The following PACRG variants were observed in gnomAD, a reference collection of about 807,000 sequenced individuals.
PACRG encodes parkin coregulated.
A neutral mutation model predicts 29.7 loss-of-function variants in PACRG; 29 were observed. That is an observed-to-expected ratio of 0.98 (90% CI 0.73 to 1.33). The LOEUF (loss-of-function observed/expected upper bound fraction) is 1.33. Among genes scored for constraint, PACRG ranks in the 40% most tolerant of loss-of-function variants. The probability of loss-of-function intolerance (pLI) is 0.00; values close to 1 mark genes in which losing one functional copy is unlikely to be tolerated. For synonymous variants in PACRG, 116 were observed against 118.7 expected (o/e 0.98, Z 0.15); for missense variants, 279 against 316.2 (o/e 0.88, Z 0.89).
chr6:163,124,175 T>C (rs1418468019), intron 4 of PACRG, among the ~76,000 whole-genome samples: 1 of 152,222 alleles, frequency 6.6e-6, no homozygotes, highest in Non-Finnish European at 1.5e-5. Flanking sequence ...AGGAGCTCTT[T>C]GTATATTTCA....
chr6:163,060,436 T>G (rs964588752), intron 2 of PACRG, among the ~76,000 whole-genome samples: 1 of 152,136 alleles, frequency 6.6e-6, no homozygotes, highest in Non-Finnish European at 1.5e-5. Context: ...CATTTCCAAA[T>G]GCACATAAAT....
chr6:162,777,258 C>T lies in PACRG; in HGVS notation c.157-36889C>T, dbSNP rs556611585. The stretch of plus-strand genomic sequence containing the variant: ...TGTGTGACGTTGTTTTTCTCCACTT[C>T]GGGACATGCAGTTGGCCATGTGCTC... On this transcript the variant is annotated intron_variant, in intron 1 of 4. Coordinates refer to ENST00000366888, the MANE Select transcript of PACRG (RefSeq NM_001080379.2). The surrounding 1 kb of genome is among the most constrained non-coding windows in gnomAD (Gnocchi z 4.0). Among the ~76,000 whole-genome samples, 27 of 152,302 alleles carry T rather than the reference C, an allele frequency of 1.8e-4. No individual in the cohort carries two copies. The highest frequency in any genetic ancestry group is 1.2e-3 in the Admixed American group (19 of 15,308).
At chr6:162,955,425 G>A (rs552347289) in intron 2 of PACRG, among the ~76,000 whole-genome samples, 13 of 151,956 alleles carry the variant, frequency 8.6e-5, no homozygotes, top group Middle Eastern at 3.4e-3. Context: ...TCAGCCTCCC[G>A]AGTAGCTGGG....
chr6:162,947,343 A>ATAATATG (rs1163567313), intron 2 of PACRG, among the ~76,000 whole-genome samples: 4 of 59,416 alleles, frequency 6.7e-5, no homozygotes, highest in Admixed American at 2.2e-4. Context: ...CATATATATA[A>ATAATATG]TGATTACATA....
intron 2 of PACRG, among the ~76,000 whole-genome samples, chr6:162,857,956 CTTG>C (rs1470478746): frequency 1.3e-5 from 2 of 152,088 alleles, no homozygotes; most frequent in African/African-American, 4.8e-5. Context: ...TGTGTATATT[CTTG>C]TTGTTACCTG....
At chr6:162,920,800 C>T (rs1310073875) in intron 2 of PACRG, among the ~76,000 whole-genome samples, 1 of 152,088 alleles carries the variant, frequency 6.6e-6, no homozygotes, top group East Asian at 1.9e-4. Flanking sequence ...TGTTTTTAGG[C>T]AGCTGAACAG....
chr6:163,267,732 G>C (rs1367570828), intron 4 of PACRG, among the ~76,000 whole-genome samples: 1 of 152,150 alleles, frequency 6.6e-6, no homozygotes, highest in East Asian at 1.9e-4. Context: ...TAAATCCCCT[G>C]TCACATTTAA....
intron 1 of PACRG, among the ~76,000 whole-genome samples, chr6:162,749,643 C>G (rs1461198301): frequency 6.6e-6 from 1 of 152,092 alleles, no homozygotes; most frequent in Non-Finnish European, 1.5e-5. Flanking sequence ...GCCTCAGTCC[C>G]CTGAGTATCT....
intron 1 of PACRG, among the ~76,000 whole-genome samples, chr6:162,785,596 G>T (rs1322430404): frequency 6.6e-6 from 1 of 151,748 alleles, no homozygotes; most frequent in Non-Finnish European, 1.5e-5. Context: ...GGGGTTGGGG[G>T]AGGATGGCTT....
chr6:163,289,129 G>A (rs1232637576), intron 4 of PACRG, among the ~76,000 whole-genome samples: 8 of 152,168 alleles, frequency 5.3e-5, no homozygotes, highest in Non-Finnish European at 8.8e-5. Flanking sequence ...TTGGAATTCC[G>A]TGCACTGATA....
intron 2 of PACRG, among the ~76,000 whole-genome samples, chr6:163,039,038 C>A (rs1808455676): frequency 6.6e-6 from 1 of 152,040 alleles, no homozygotes; most frequent in Non-Finnish European, 1.5e-5. Context: ...AACTGTTATC[C>A]CTGTGTGTCG....
intron 1 of PACRG, among the ~76,000 whole-genome samples, chr6:162,747,356 A>G (rs11969189): frequency 0.035 from 2,549 of 72,892 alleles, 339 homozygotes; most frequent in African/African-American, 0.18. Flanking sequence ...ATATATATAT[A>G]TATATATACA....
intron 1 of PACRG, among the ~76,000 whole-genome samples, chr6:162,765,564 CTT>C (rs1354247648): frequency 6.6e-6 from 1 of 152,126 alleles, no homozygotes; most frequent in African/African-American, 2.4e-5. Context: ...ATTTTAGCCT[CTT>C]GTTTGTACCA....
rs990484274 is a variant in PACRG, at chr6:162,877,220, T to C, written c.291+62939T>C. Among the ~76,000 whole-genome samples, 4 of 151,970 alleles carry C rather than the reference T, an allele frequency of 2.6e-5. No individual in the cohort carries two copies. In the East Asian group the frequency reaches 5.8e-4, roughly 22 times the overall value. On this transcript the variant is annotated intron_variant, in intron 2 of 4. Coordinates refer to ENST00000366888, the MANE Select transcript of PACRG (RefSeq NM_001080379.2). ...TCAGCGATAGACTAGATAAAGAAAA[T>C]GTGGCACATATACACTGTGGAATAC...
intron 4 of PACRG, among the ~76,000 whole-genome samples, chr6:163,265,511 G>A (rs566563913): frequency 6.6e-6 from 1 of 152,238 alleles, no homozygotes; most frequent in South Asian, 2.1e-4. Context: ...TACTACCTTC[G>A]GTGATTGTTG....
At chr6:162,978,970 A>G (rs1361741731) in intron 2 of PACRG, among the ~76,000 whole-genome samples, 1 of 152,160 alleles carries the variant, frequency 6.6e-6, no homozygotes, top group East Asian at 1.9e-4. Context: ...ATAGAATTGT[A>G]TAGGTTTGCT....
chr6:162,785,506 G>A lies in PACRG; in HGVS notation c.157-28641G>A, dbSNP rs141582343. 3.3e-5 allele frequency among the ~76,000 whole-genome samples: 5 copies of A among 150,072 alleles called. No homozygotes were observed. In the East Asian group the frequency reaches 1.0e-3, roughly 30 times the overall value. On this transcript the variant is annotated intron_variant, in intron 1 of 4. Coordinates refer to ENST00000366888, the MANE Select transcript of PACRG (RefSeq NM_001080379.2). ...TGATGGAATACACCCAAGATCAGTG[G>A]TCTGCAACCTATTTGGTGCCGGGGA...
intron 4 of PACRG, among the ~76,000 whole-genome samples, chr6:163,288,631 C>T (rs1366598659): frequency 6.6e-6 from 1 of 152,184 alleles, no homozygotes; most frequent in Non-Finnish European, 1.5e-5. Flanking sequence ...TTTTATGCAT[C>T]ACTTTGCCTG....
chr6:163,064,133 CA>C (rs1811331682), intron 3 of PACRG, among the ~76,000 whole-genome samples: 1 of 151,216 alleles, frequency 6.6e-6, no homozygotes, highest in South Asian at 2.1e-4. Flanking sequence ...ACTGCCTTCT[CA>C]GGGGTCTCTC....
Sources: gnomAD v4.1 joint callset for allele counts (sites outside exome capture counted in the v4.1 genomes callset) on GRCh38, gnomAD v4.1.1 for gene constraint, Gnocchi (gnomAD v3.1) non-coding constraint, MANE v1.5 for transcripts, NCBI Gene and HGNC (gene_info 2026-07-23, HGNC 2026-07-21) for gene names.